Variants in RBFOX1 observed in about 807,000 individuals in gnomAD.
The protein encoded by RBFOX1 is RNA binding protein fox-1 homolog 1.
Under a neutral mutation model 57.7 loss-of-function variants are expected in RBFOX1, and 8 were observed. The observed-to-expected ratio is 0.14, with a 90% CI of 0.08 to 0.25. RBFOX1 has a LOEUF of 0.25. Ranked by LOEUF, RBFOX1 falls within the 10% of genes least tolerant of loss-of-function variation. The probability of loss-of-function intolerance (pLI) is 1.00; values close to 1 mark genes in which losing one functional copy is unlikely to be tolerated. For missense variants in RBFOX1, 611 were observed against 548.5 expected (o/e 1.11, Z -1.14); for synonymous variants, 326 against 222.4 (o/e 1.47, Z -4.15).
intron 2 of RBFOX1, among the ~76,000 whole-genome samples, chr16:6,599,726 C>T (rs1217393618): frequency 6.6e-6 from 1 of 152,160 alleles, no homozygotes; most frequent in African/African-American, 2.4e-5. Flanking sequence ...GTTTCCCATC[C>T]CAGTGCTCAC....
intron 3 of RBFOX1, among the ~76,000 whole-genome samples, chr16:5,697,361 A>G (rs2050876852): frequency 1.3e-5 from 2 of 151,234 alleles, no homozygotes; most frequent in Admixed American, 6.6e-5. Flanking sequence ...AAACTCATAT[A>G]ATATGAATAA....
At chr16:6,256,151 A>ATG (rs1333765661) in intron 1 of RBFOX1, among the ~76,000 whole-genome samples, 2 of 61,682 alleles carry the variant, frequency 3.2e-5, no homozygotes, top group Non-Finnish European at 5.3e-5. Flanking sequence ...GTGTATATAT[A>ATG]TATATATGTA....
intron 2 of RBFOX1, among the ~76,000 whole-genome samples, chr16:6,466,153 C>T (rs749698716): frequency 1.6e-4 from 24 of 151,010 alleles, no homozygotes; most frequent in Non-Finnish European, 3.1e-4. Flanking sequence ...CGCTTGAACC[C>T]GGGAGGCAGA....
chr16:6,004,142 G>A (rs1162191508), intron 4 of RBFOX1, among the ~76,000 whole-genome samples: 1 of 152,158 alleles, frequency 6.6e-6, no homozygotes, highest in Non-Finnish European at 1.5e-5. Context: ...GCACACGTTT[G>A]CCTGTGTAAC....
intron 1 of RBFOX1, among the ~76,000 whole-genome samples, chr16:5,334,084 T>G (rs544052870): frequency 6.6e-6 from 1 of 152,236 alleles, no homozygotes; most frequent in African/African-American, 2.4e-5. Flanking sequence ...TCTTACAGAC[T>G]AAGAGTATTT....
At chr16:7,242,668 C>T (rs2094124790) in intron 4 of RBFOX1, among the ~76,000 whole-genome samples, 1 of 152,188 alleles carries the variant, frequency 6.6e-6, no homozygotes, top group African/African-American at 2.4e-5. Flanking sequence ...AACATCCGTG[C>T]TTCGTGATTT....
intron 1 of RBFOX1, among the ~76,000 whole-genome samples, chr16:6,288,949 G>C (rs920851800): frequency 2.8e-4 from 43 of 152,106 alleles, no homozygotes; most frequent in Admixed American, 2.8e-3. Flanking sequence ...ACCCCCAGGA[G>C]GGTATAGACC....
chr16:7,698,657 G>C (rs928391445), intron 14 of RBFOX1, among the ~76,000 whole-genome samples: 2 of 152,102 alleles, frequency 1.3e-5, no homozygotes, highest in East Asian at 1.9e-4. Flanking sequence ...CTGCATTTTA[G>C]TGATTTGATT....
intron 14 of RBFOX1, among the ~76,000 whole-genome samples, chr16:7,708,158 G>C (rs1216955293): frequency 6.6e-6 from 1 of 151,994 alleles, no homozygotes; most frequent in East Asian, 1.9e-4. Context: ...GAGTAACATA[G>C]CAAGACTTTG....
At chr16:7,426,125 G>A (rs185856153) in intron 4 of RBFOX1, among the ~76,000 whole-genome samples, 191 of 152,344 alleles carry the variant, frequency 1.3e-3, no homozygotes, top group African/African-American at 4.5e-3. Context: ...AAGCCAGCGT[G>A]CAGGCTCTTG....
At chr16:6,479,481 G>C (rs1196032958) in intron 2 of RBFOX1, among the ~76,000 whole-genome samples, 3 of 151,978 alleles carry the variant, frequency 2.0e-5, no homozygotes, top group African/African-American at 2.4e-5. Context: ...CCAGCTACTC[G>C]GGAGGCTGAG....
At chr16:6,735,201 C>G (rs781766380) in intron 3 of RBFOX1, among the ~76,000 whole-genome samples, 1 of 152,124 alleles carries the variant, frequency 6.6e-6, no homozygotes, top group Non-Finnish European at 1.5e-5. Flanking sequence ...GAAAACCAAA[C>G]TGGTGGCTTA....
At chr16:7,340,956 G>A (rs971566697) in intron 4 of RBFOX1, among the ~76,000 whole-genome samples, 2 of 152,162 alleles carry the variant, frequency 1.3e-5, no homozygotes, top group African/African-American at 2.4e-5. Flanking sequence ...CACAGGGCAG[G>A]GAGGGTTGGA....
chr16:5,324,088 C>A (rs532851968), intron 1 of RBFOX1, among the ~76,000 whole-genome samples: 2 of 152,198 alleles, frequency 1.3e-5, no homozygotes, highest in Admixed American at 1.3e-4. Flanking sequence ...TGCTTCTGCC[C>A]AGCACCTGCC....
At chr16:5,684,960 G>C (rs1003614182) in intron 3 of RBFOX1, among the ~76,000 whole-genome samples, 3 of 152,196 alleles carry the variant, frequency 2.0e-5, no homozygotes, top group African/African-American at 7.2e-5. Flanking sequence ...GGCACAGATA[G>C]ATAAAGTCAC....
intron 1 of RBFOX1, among the ~76,000 whole-genome samples, chr16:5,434,627 A>T (rs1341948574): frequency 6.6e-6 from 1 of 151,984 alleles, no homozygotes; most frequent in Non-Finnish European, 1.5e-5. Context: ...CCTTGTTGTG[A>T]GTTCTCCTTC....
intron 3 of RBFOX1, among the ~76,000 whole-genome samples, chr16:6,877,407 A>T (rs1038789291): frequency 6.6e-6 from 1 of 152,152 alleles, no homozygotes; most frequent in African/African-American, 2.4e-5. Context: ...TCCAATATGG[A>T]CTGCATTATT....
At chr16:5,784,236 G>A (rs112257642) in intron 3 of RBFOX1, among the ~76,000 whole-genome samples, 43,699 of 151,886 alleles carry the variant, frequency 0.29, 6,689 homozygotes, top group East Asian at 0.55. Context: ...CCTGGCTAAC[G>A]TGGTGAAACC....
rs377329246 is a variant in RBFOX1, at chr16:7,002,640, AG to A, written c.-15-49415del. 2.0e-3 allele frequency among the ~76,000 whole-genome samples: 306 copies of A among 152,280 alleles called. 2 individuals are homozygous for A. The highest frequency in any genetic ancestry group is 7.0e-3 in the African/African-American group (293 of 41,574). On this transcript the variant is annotated intron_variant, in intron 3 of 15. Transcript: ENST00000550418. ...GGCAGGAGAATCGCTTGAACCTGGGAGGCAGAGGTTGCAGGGAGCCGAGATT... is the reference window on the plus strand; with the variant it reads ...GGCAGGAGAATCGCTTGAACCTGGGAGCAGAGGTTGCAGGGAGCCGAGATT...
Sources: gnomAD v4.1 joint callset for allele counts (sites outside exome capture counted in the v4.1 genomes callset) on GRCh38, gnomAD v4.1.1 for gene constraint, MANE v1.5 for transcripts, NCBI Gene and HGNC (gene_info 2026-07-23, HGNC 2026-07-21) for gene names.